FILIP1L: variants seen among roughly 807,000 people sequenced by gnomAD.
FILIP1L encodes the protein filamin A interacting protein 1 like.
A neutral mutation model predicts 96.6 loss-of-function variants in FILIP1L; 55 were observed. The observed-to-expected ratio is 0.57, with a 90% CI of 0.46 to 0.71. The LOEUF (loss-of-function observed/expected upper bound fraction) is 0.71, where lower values mean the gene tolerates loss of function less well. Among genes scored for constraint, FILIP1L ranks in the 30% least tolerant of loss-of-function variants. The pLI is 0.00. For synonymous variants in FILIP1L, 467 were observed against 473.9 expected, an observed-to-expected ratio of 0.99 and a Z score of 0.19; for missense variants, 1,304 against 1,321.2, an observed-to-expected ratio of 0.99 and a Z score of 0.20.
At chr3:99,979,255 T>C (rs149628429) in intron 1 of FILIP1L, among the ~76,000 whole-genome samples, 139 of 152,294 alleles carry the variant, frequency 9.1e-4, no homozygotes, top group African/African-American at 3.1e-3. Context: ...ACCACAATAT[T>C]TTTTTGAATG....
At chr3:100,112,781 T>C (rs1014415686) in intron 1 of FILIP1L, among the ~76,000 whole-genome samples, 4 of 152,216 alleles carry the variant, frequency 2.6e-5, no homozygotes, top group African/African-American at 9.6e-5. Flanking sequence ...TTGCTGCCTT[T>C]AGAAGTTTTT....
intron 4 of FILIP1L, among the ~76,000 whole-genome samples, chr3:99,873,599 ATTC>A (rs1008660941): frequency 6.6e-6 from 1 of 152,176 alleles, no homozygotes; most frequent in Non-Finnish European, 1.5e-5. Flanking sequence ...TTGGAATCTT[ATTC>A]TTCCTCCTAC....
intron 5 of FILIP1L, among the ~76,000 whole-genome samples, chr3:99,846,019 C>T (rs1170345371): frequency 3.3e-5 from 5 of 152,152 alleles, no homozygotes; most frequent in Non-Finnish European, 5.9e-5. Context: ...ATGGTGTTAA[C>T]TTTATTATAG....
intron 1 of FILIP1L, among the ~76,000 whole-genome samples, chr3:100,024,340 A>C (rs1197340104): frequency 6.6e-6 from 1 of 152,044 alleles, no homozygotes; most frequent in African/African-American, 2.4e-5. Context: ...TGCATTTTCT[A>C]TGATTTCTCA....
chr3:99,980,921 A>G (rs1474771240), intron 1 of FILIP1L, among the ~76,000 whole-genome samples: 1 of 152,146 alleles, frequency 6.6e-6, no homozygotes, highest in Admixed American at 6.5e-5. Context: ...ACCCTTCAAT[A>G]CTGGCTATGT....
chr3:100,112,271 C>A (rs1034527513), intron 1 of FILIP1L, among the ~76,000 whole-genome samples: 1 of 151,968 alleles, frequency 6.6e-6, no homozygotes, highest in Non-Finnish European at 1.5e-5. Flanking sequence ...GAAAATTTTG[C>A]TTTAGGTTAG....
chr3:100,090,215 G>A (rs969410780), intron 1 of FILIP1L, among the ~76,000 whole-genome samples: 1 of 152,154 alleles, frequency 6.6e-6, no homozygotes, highest in Non-Finnish European at 1.5e-5. Context: ...TTGTCCACAT[G>A]GGTCCATTGT....
chr3:99,952,533 A>G (rs1331292396), intron 1 of FILIP1L, among the ~76,000 whole-genome samples: 1 of 152,162 alleles, frequency 6.6e-6, no homozygotes, highest in African/African-American at 2.4e-5. Flanking sequence ...TAGAAGCCAC[A>G]AGGAATGGAT....
Position 100,102,497 on chromosome 3 carries a change from C to G in FILIP1L, c.-11+11556G>C, listed in dbSNP as rs190469279. Among the ~76,000 whole-genome samples the G allele has an allele frequency of 1.9e-3, 282 of 152,306 alleles. 1 individual carries two copies. The highest frequency in any genetic ancestry group is 3.2e-3 in the Non-Finnish European group (220 of 68,018). On this transcript the variant is annotated intron_variant, in intron 1 of 5. Coordinates refer to ENST00000477258, the MANE Select transcript of FILIP1L (RefSeq NM_001387850.1). ...CTGCTTCTCCACAGGTGTGAGATCT[C>G]TCTTTTCTTCAAATTACTCCAGTAT...
chr3:100,034,822 C>A (rs1301385885), intron 1 of FILIP1L, among the ~76,000 whole-genome samples: 1 of 152,116 alleles, frequency 6.6e-6, no homozygotes, highest in Admixed American at 6.5e-5. Flanking sequence ...AGGAGAATAT[C>A]CACTCTGATC....
intron 1 of FILIP1L, among the ~76,000 whole-genome samples, chr3:100,009,101 C>G (rs1710069690): frequency 2.6e-5 from 4 of 152,102 alleles, no homozygotes; most frequent in African/African-American, 9.7e-5. Flanking sequence ...CTTCTTTGGC[C>G]TTTAAATATT....
At chr3:100,095,500 C>T (rs547805154) in intron 1 of FILIP1L, among the ~76,000 whole-genome samples, 70 of 151,568 alleles carry the variant, frequency 4.6e-4, no homozygotes, top group African/African-American at 1.5e-3. Context: ...ACAGTCATAC[C>T]GAGAACATGC....
intron 1 of FILIP1L, among the ~76,000 whole-genome samples, chr3:100,103,490 G>A (rs437704): frequency 6.6e-6 from 1 of 152,212 alleles, no homozygotes. Flanking sequence ...TGAAGATCTA[G>A]AGTCTTTAGG....
intron 1 of FILIP1L, among the ~76,000 whole-genome samples, chr3:99,956,480 G>A (rs1708322517): frequency 6.6e-6 from 1 of 152,180 alleles, no homozygotes; most frequent in Non-Finnish European, 1.5e-5. Context: ...AGCCTCCCTA[G>A]TAGCTGGGAT....
intron 5 of FILIP1L, among the ~76,000 whole-genome samples, chr3:99,836,807 T>C (rs1942918196): frequency 2.0e-5 from 3 of 152,212 alleles, no homozygotes; most frequent in Admixed American, 2.0e-4. Flanking sequence ...CCTGCACCTC[T>C]CTTCCAGTAA....
At chr3:100,074,816 C>T (rs2107384791) in intron 1 of FILIP1L, among the ~76,000 whole-genome samples, 1 of 149,266 alleles carries the variant, frequency 6.7e-6, no homozygotes, top group African/African-American at 2.5e-5. Flanking sequence ...ACCTCAGCTT[C>T]CAGAGTAGCT....
intron 4 of FILIP1L, among the ~76,000 whole-genome samples, chr3:99,903,398 C>T (rs1361941072): frequency 6.6e-6 from 1 of 151,844 alleles, no homozygotes; most frequent in African/African-American, 2.4e-5. Context: ...ATTACAGGCG[C>T]CTGCCACCAC....
chr3:99,859,759 T>C (rs2107550790), intron 4 of FILIP1L, among the ~76,000 whole-genome samples: 1 of 79,014 alleles, frequency 1.3e-5, no homozygotes. Flanking sequence ...GAAAGCTTCT[T>C]TATTTGAGAT....
At chr3:100,067,051 T>G (rs1201905819) in intron 1 of FILIP1L, among the ~76,000 whole-genome samples, 2 of 152,178 alleles carry the variant, frequency 1.3e-5, no homozygotes, top group Non-Finnish European at 2.9e-5. Flanking sequence ...AGGGCAAGCG[T>G]GGACTGTGAT....
Sources: allele counts gnomAD v4.1 joint callset (sites outside exome capture counted in the v4.1 genomes callset), GRCh38; gene constraint gnomAD v4.1.1; transcripts MANE v1.5; gene names NCBI Gene and HGNC (gene_info 2026-07-23, HGNC 2026-07-21).